UNC79: variants seen among roughly 807,000 people sequenced by gnomAD.
UNC79 encodes protein unc-79 homolog.
In UNC79, 37 loss-of-function variants were observed where a neutral mutation model predicts 283.1. That is an observed-to-expected ratio of 0.13 (90% CI 0.10 to 0.17). The LOEUF is 0.17. Ranked by LOEUF, UNC79 falls within the 10% of genes least tolerant of loss-of-function variation. The pLI is 1.00. For synonymous variants in UNC79, 1,107 were observed against 1,200.2 expected, an observed-to-expected ratio of 0.92 and a Z score of 1.61; for missense variants, 2,272 against 3,211.1, an observed-to-expected ratio of 0.71 and a Z score of 7.07.
At chr14:93,523,885 G>A (rs1340280861) in intron 7 of UNC79, 93 bp from the exon 8 acceptor site, 1 of 1,371,232 alleles carries the variant, frequency 7.3e-7, no homozygotes, top group East Asian at 2.3e-5. Flanking sequence ...TGATGGTTCT[G>A]TTTAGAAAAA....
chr14:93,535,398 T>C (rs1240853558), intron 11 of UNC79, among the ~76,000 whole-genome samples: 4 of 152,224 alleles, frequency 2.6e-5, no homozygotes, highest in Non-Finnish European at 5.9e-5. Flanking sequence ...AGGTTGACTT[T>C]TAGTCGGTAT....
chr14:93,623,411 A>G (rs574797533), intron 30 of UNC79, among the ~76,000 whole-genome samples: 2 of 152,296 alleles, frequency 1.3e-5, no homozygotes, highest in East Asian at 3.9e-4. Flanking sequence ...TTGGTGATGA[A>G]GTTATCACAG....
At chr14:93,702,188 G>A (rs1469548043) in intron 47 of UNC79, among the ~76,000 whole-genome samples, 1 of 152,136 alleles carries the variant, frequency 6.6e-6, no homozygotes, top group Non-Finnish European at 1.5e-5. Context: ...ATGTCTAGAG[G>A]AGCCAGTCCT....
chr14:93,492,327 C>T (rs1255638402), intron 5 of UNC79, among the ~76,000 whole-genome samples: 1 of 152,028 alleles, frequency 6.6e-6, no homozygotes, highest in Non-Finnish European at 1.5e-5. Flanking sequence ...GTCACTTGGG[C>T]CAAGGATGAG....
chr14:93,374,441 T>G (rs902108558), intron 1 of UNC79, among the ~76,000 whole-genome samples: 1 of 152,232 alleles, frequency 6.6e-6, no homozygotes, highest in African/African-American at 2.4e-5. Context: ...TCCGACTTGC[T>G]TGGGGCCTGA....
intron 3 of UNC79, among the ~76,000 whole-genome samples, chr14:93,476,050 G>A (rs2057780282): frequency 1.3e-5 from 2 of 152,268 alleles, no homozygotes; most frequent in East Asian, 1.9e-4. Context: ...AATCACTGAG[G>A]GAGTTTGTAA....
At chr14:93,567,957 G>C (rs1387012492) in intron 14 of UNC79, among the ~76,000 whole-genome samples, 1 of 152,208 alleles carries the variant, frequency 6.6e-6, no homozygotes, top group Non-Finnish European at 1.5e-5. Flanking sequence ...GGAGCTTCCA[G>C]ATCACAGGTA....
chr14:93,370,274 A>G (rs926984662), intron 1 of UNC79, among the ~76,000 whole-genome samples: 15 of 152,246 alleles, frequency 9.9e-5, no homozygotes, highest in African/African-American at 3.1e-4. Context: ...TAAAACGACT[A>G]TGATTAATTG....
At chr14:93,615,627 C>T (rs1222024877) in intron 27 of UNC79, among the ~76,000 whole-genome samples, 2 of 143,604 alleles carry the variant, frequency 1.4e-5, no homozygotes, top group African/African-American at 5.2e-5. Flanking sequence ...GAGACTGAGG[C>T]AGGTGAATCG....
chr14:93,383,051 G>A (rs1186540147), intron 1 of UNC79, among the ~76,000 whole-genome samples: 1 of 152,206 alleles, frequency 6.6e-6, no homozygotes, highest in Non-Finnish European at 1.5e-5. Context: ...ATTTAGCTGG[G>A]ATAGAAAATC....
rs188926069 is a variant in UNC79, at chr14:93,657,751, C to T, written c.6457-1442C>T. 1.7e-3 allele frequency among the ~76,000 whole-genome samples: 256 copies of T among 152,176 alleles called. 1 individual carries two copies. Among genetic ancestry groups the T allele is most frequent in the Non-Finnish European group, 2.7e-3 (183 of 67,998 alleles). ...AGTGTTGCCAGCTGTAAACAAGTGG[C>T]GTGCCTAATTTGTGACAATCAACCT... On this transcript the variant is annotated intron_variant, in intron 38 of 48. Transcript: ENST00000555664.
At position 93,571,992 on chromosome 14, in the gene UNC79, A is replaced by G. The variant is rs138544278; in HGVS notation, c.1854A>G (p.Gln618=). ...TGATCCCCTATAATGTGATCAATCA[A>G]TCTGTCTGGGAGTGTATTATGCCGG... Residue 618 remains glutamine (Q), a synonymous_variant, in exon 15 of 49, where the codon CAA becomes CAG. Coordinates refer to ENST00000555664, the Ensembl canonical transcript of UNC79. 116 of 1,614,206 alleles carry G rather than the reference A, an allele frequency of 7.2e-5. No homozygotes were observed. The African/African-American group carries it at 8.7e-4, about 12-fold the overall frequency.
Position 93,334,246 on chromosome 14 carries a change from C to T in UNC79, c.-351+723C>T, listed in dbSNP as rs575054121. 2.3e-4 allele frequency among the ~76,000 whole-genome samples: 35 copies of T among 152,324 alleles called. No homozygotes were observed. In the South Asian group the frequency reaches 7.1e-3, roughly 31 times the overall value. ...TTCAGATTTGTATTTTCCTCACCCT[C>T]ATTCTTCATCACCTTACTTCCTTGA... On this transcript the variant is annotated intron_variant, in intron 1 of 49. Coordinates refer to the UNC79 transcript ENST00000256339.
chr14:93,463,607 C>A (rs2140232830), intron 1 of UNC79, among the ~76,000 whole-genome samples: 1 of 152,200 alleles, frequency 6.6e-6, no homozygotes, highest in East Asian at 1.9e-4. Flanking sequence ...TTTGACAGGA[C>A]AAGGAAAGGA....
intron 7 of UNC79, among the ~76,000 whole-genome samples, chr14:93,519,829 C>T (rs980643270): frequency 3.3e-5 from 5 of 151,700 alleles, no homozygotes; most frequent in Non-Finnish European, 5.9e-5. Flanking sequence ...TTTTACCCCT[C>T]CTATCCTTTT....
intron 6 of UNC79, 73 bp downstream of exon 6, chr14:93,496,539 T>C: frequency 9.3e-7 from 1 of 1,077,772 alleles, no homozygotes; most frequent in Non-Finnish European, 1.3e-6. Flanking sequence ...TGTTTACGTA[T>C]TAAAACTGTT....
At chr14:93,372,182 CATAA>C (rs1388421329) in intron 1 of UNC79, among the ~76,000 whole-genome samples, 2 of 150,574 alleles carry the variant, frequency 1.3e-5, no homozygotes, top group Middle Eastern at 3.4e-3. Context: ...CTTAATTGGT[CATAA>C]ATAATTTGTT....
intron 47 of UNC79, among the ~76,000 whole-genome samples, chr14:93,700,795 C>T (rs894084760): frequency 6.6e-6 from 1 of 152,172 alleles, no homozygotes; most frequent in African/African-American, 2.4e-5. Context: ...TCAGTACTCT[C>T]ATGATGTTCT....
At chr14:93,636,502 G>T (rs1263038400) in intron 31 of UNC79, among the ~76,000 whole-genome samples, 1 of 152,166 alleles carries the variant, frequency 6.6e-6, no homozygotes, top group Non-Finnish European at 1.5e-5. Flanking sequence ...TCAGTAATTT[G>T]CTGGTCTCCA....
Sources: allele counts gnomAD v4.1 joint callset (sites outside exome capture counted in the v4.1 genomes callset), GRCh38; gene constraint gnomAD v4.1.1; transcripts MANE v1.5; gene names NCBI Gene and HGNC (gene_info 2026-07-23, HGNC 2026-07-21).